The following SPRY2 variants were observed in gnomAD, a reference collection of about 807,000 sequenced individuals.
SPRY2 encodes the protein protein sprouty homolog 2.
Under a neutral mutation model 23.4 loss-of-function variants are expected in SPRY2, and 10 were observed. That is an observed-to-expected ratio of 0.43 (90% CI 0.26 to 0.73). The LOEUF is 0.73. Among genes scored for constraint, SPRY2 ranks in the 30% least tolerant of loss-of-function variants. The probability of loss-of-function intolerance (pLI) is 0.22; values close to 1 mark genes in which losing one functional copy is unlikely to be tolerated. For missense variants in SPRY2, 344 were observed against 396.9 expected, an observed-to-expected ratio of 0.87 and a Z score of 1.13; for synonymous variants, 170 against 156.9, an observed-to-expected ratio of 1.08 and a Z score of -0.62.
rs1445121358 is a variant in SPRY2, at chr13:80,336,601, A to T, written c.*157T>A. 1.2e-6 allele frequency: 1 copy of T among 810,672 alleles called. No individual in the cohort carries two copies. The highest frequency in any genetic ancestry group is 2.2e-5 in the Admixed American group (1 of 45,846). 50.2% of individuals were successfully genotyped at this position (810,672 alleles called of 1,614,324 possible). On this transcript the variant is annotated 3_prime_UTR_variant, in exon 2 of 2. Coordinates refer to ENST00000377104, the MANE Select transcript of SPRY2 (RefSeq NM_005842.4). Reference sequence around the variant, plus strand: ...AGTTCTAACAAGCATATCAGTTAAAACGGCACATGGACAAAAAGCATTTCA... The same window carrying T: ...AGTTCTAACAAGCATATCAGTTAAATCGGCACATGGACAAAAAGCATTTCA...
In SPRY2 at chr13:80,336,831, C is replaced by T. The variant is rs1451158201; in HGVS notation, c.875G>A (p.Arg292His). ...CYDRVNRPGC[R>H]CKNSNTVCCK... ...GCAAACTGTGTTTGAGTTTTTACAG[C>T]GGCAACCAGGCCTGTTAACCCGGTC... The change falls in exon 2 of 2, where the codon CGC (arginine) becomes CAC (histidine). Residue 292 changes from arginine (R) to histidine (H), a missense_variant. Transcript: ENST00000377104. 4 of 1,613,982 alleles carry T rather than the reference C, an allele frequency of 2.5e-6. No individual in the cohort carries two copies. Among genetic ancestry groups the T allele is most frequent in the Non-Finnish European group, 2.5e-6 (3 of 1,180,038 alleles).
Position 80,337,369 on chromosome 13 carries a change from T to C in SPRY2, c.337A>G (p.Thr113Ala), listed in dbSNP as rs61756189. 2.3e-4 allele frequency: 365 copies of C among 1,613,996 alleles called. No homozygotes were observed. Among genetic ancestry groups the C allele is most frequent in the Non-Finnish European group, 2.7e-4 (322 of 1,180,040 alleles). ...CTGCTCCGCGACCCTGAGCTGACCG[T>C]GCTTATGGATCTGGACAGAGGGGCT... ...ARAPLSRSISTVSSGSRSSTR... is the reference protein window; with the variant it reads ...ARAPLSRSISAVSSGSRSSTR... Residue 113 changes from threonine (T) to alanine (A), a missense_variant, in exon 2 of 2, where the codon ACG (threonine) becomes GCG (alanine). Physicochemically the swap from Thr to Ala is moderately conservative, Grantham distance 58. Transcript: ENST00000377104.
chr13:80,340,300 C>A (rs780776418), intron 1 of SPRY2, among the ~76,000 whole-genome samples: 16 of 152,260 alleles, frequency 1.1e-4, no homozygotes, highest in African/African-American at 1.7e-4. Context: ...GCGCCGAATT[C>A]GCGGCCAGTG....
Position 80,337,441 on chromosome 13 carries a change from G to A in SPRY2, c.265C>T (p.Arg89Cys). 4 of 1,614,174 alleles carry A rather than the reference G, an allele frequency of 2.5e-6. No individual in the cohort carries two copies. The highest frequency in any genetic ancestry group is 3.4e-6 in the Non-Finnish European group (4 of 1,180,040). The change falls in exon 2 of 2, where the codon CGC becomes TGC. Residue 89 changes from arginine to cysteine, a missense_variant. By Grantham distance (180) the Arg-to-Cys change is radical. Coordinates refer to ENST00000377104, the MANE Select transcript of SPRY2 (RefSeq NM_005842.4). ...GAGTGCTGGAGCCTAGGAGGCTGGC[G>A]GTGCTCAGGCAGACCGTGGAGTCTC... Reference protein sequence around the residue: ...HERLHGLPEHRQPPRLQHSQV... With the variant: ...HERLHGLPEHCQPPRLQHSQV...
intron 1 of SPRY2, among the ~76,000 whole-genome samples, chr13:80,340,276 C>G (rs1880461520): frequency 6.6e-6 from 1 of 152,256 alleles, no homozygotes; most frequent in Admixed American, 6.5e-5. Flanking sequence ...TTTTCTCTCC[C>G]TCTCCCGCTC....
chr13:80,336,837 C>G lies in SPRY2; in HGVS notation c.869G>C (p.Gly290Ala). 1 of 1,614,126 alleles carries G rather than the reference C, an allele frequency of 6.2e-7. No homozygotes were observed. The highest frequency in any genetic ancestry group is 8.5e-7 in the Non-Finnish European group (1 of 1,180,026). Residue 290 changes from glycine to alanine, a missense_variant, in exon 2 of 2, where the codon GGT (glycine) becomes GCT (alanine). By Grantham distance (60) the Gly-to-Ala change is moderately conservative. Transcript: ENST00000377104. ...QGCYDRVNRP[G>A]CRCKNSNTVC... Reference sequence around the variant, plus strand: ...TGTGTTTGAGTTTTTACAGCGGCAACCAGGCCTGTTAACCCGGTCATAACA... The same window carrying G: ...TGTGTTTGAGTTTTTACAGCGGCAAGCAGGCCTGTTAACCCGGTCATAACA...
chr13:80,340,219 T>C (rs1880459459), intron 1 of SPRY2, among the ~76,000 whole-genome samples: 1 of 151,750 alleles, frequency 6.6e-6, no homozygotes, highest in African/African-American at 2.4e-5. Context: ...GAAGAACAGG[T>C]TAGAAATGCG....
chr13:80,340,588 G>C (rs1323832054), intron 1 of SPRY2, 34 bp downstream of exon 1: 2 of 152,362 alleles, frequency 1.3e-5, no homozygotes, highest in Non-Finnish European at 2.9e-5. Context: ...CGCCGGCCGC[G>C]GCGCCAGGAG....
Position 80,336,508 on chromosome 13 carries a change from G to A in SPRY2, c.*250C>T. Reference sequence around the variant, plus strand: ...AAAAACTTTGCCTAGGAGTGTCTGTGTTGCTTTAGCTTATGCAATACATGG... The same window carrying A: ...AAAAACTTTGCCTAGGAGTGTCTGTATTGCTTTAGCTTATGCAATACATGG... On this transcript the variant is annotated 3_prime_UTR_variant, in exon 2 of 2. Transcript: ENST00000377104. 1 of 562,894 alleles carries A rather than the reference G, an allele frequency of 1.8e-6. No homozygotes were observed. Among genetic ancestry groups the A allele is most frequent in the East Asian group, 3.1e-5 (1 of 32,610 alleles). 34.9% of individuals were successfully genotyped at this position (562,894 alleles called of 1,614,324 possible). A position where few individuals can be genotyped will look rare whatever the true frequency, so the allele number is the denominator to read the frequency against.
At chr13:80,339,780 A>AC (rs1170663182) in intron 1 of SPRY2, 2 of 152,298 alleles carry the variant, frequency 1.3e-5, no homozygotes, top group African/African-American at 4.8e-5. Flanking sequence ...CTTTGTAAAA[A>AC]ACACACAAGA....
At chr13:80,338,312 T>C (rs1880367098) in intron 1 of SPRY2, among the ~76,000 whole-genome samples, 1 of 152,176 alleles carries the variant, frequency 6.6e-6, no homozygotes, top group Non-Finnish European at 1.5e-5. Flanking sequence ...AAAAAGTAAA[T>C]ACCCAAATTC....
chr13:80,338,283 A>G (rs1880365758), intron 1 of SPRY2, among the ~76,000 whole-genome samples: 1 of 152,238 alleles, frequency 6.6e-6, no homozygotes, highest in Non-Finnish European at 1.5e-5. Context: ...CAAACCAGGT[A>G]GAATGAATAT....
At chr13:80,339,330 G>T (rs2137727691) in intron 1 of SPRY2, 1 of 152,258 alleles carries the variant, frequency 6.6e-6, no homozygotes, top group East Asian at 1.9e-4. Flanking sequence ...CTGACCGAAG[G>T]GGGCATTGCC....
At position 80,341,097 on chromosome 13, in the gene SPRY2, T is replaced by A. The variant is rs1188097919; in HGVS notation, c.-527A>T. 6.8e-6 allele frequency: 1 copy of A among 147,740 alleles called. No homozygotes were observed. Among genetic ancestry groups the A allele is most frequent in the Non-Finnish European group, 1.5e-5 (1 of 66,512 alleles). 9.2% of individuals were successfully genotyped at this position (147,740 alleles called of 1,614,324 possible). On this transcript the variant is annotated 5_prime_UTR_variant, in exon 1 of 2. Transcript: ENST00000377104. Reference sequence around the variant, plus strand: ...GCCGGCCCCTCTCCTCCGCTAGCGCTGCGGCGCGCAGCTCTCGGCGGTGCA... The same window carrying A: ...GCCGGCCCCTCTCCTCCGCTAGCGCAGCGGCGCGCAGCTCTCGGCGGTGCA...
At position 80,336,947 on chromosome 13, in the gene SPRY2, C is replaced by CA; in HGVS notation, c.758_759insT (p.Trp253CysfsTer25). ...AGAGGGACATGACACCCATGGCTGA[C>CA]CATCGTGTACAACAGTGAGACTGGC... On this transcript the variant is annotated frameshift_variant, in exon 2 of 2. Transcript: ENST00000377104. LOFTEE classifies it high-confidence loss of function. 1 of 1,614,218 alleles carries CA rather than the reference C, an allele frequency of 6.2e-7. No homozygotes were observed. Among genetic ancestry groups the CA allele is most frequent in the Non-Finnish European group, 8.5e-7 (1 of 1,180,042 alleles).
At position 80,336,402 on chromosome 13, in the gene SPRY2, AT is replaced by A; in HGVS notation, c.*355del. 2.9e-6 allele frequency: 1 copy of A among 341,290 alleles called. No individual in the cohort carries two copies. The highest frequency in any genetic ancestry group is 2.8e-5 in the South Asian group (1 of 36,352). The allele number at this position is 341,290 out of a possible 1,614,324, so 21.1% of individuals were successfully genotyped here. On this transcript the variant is annotated 3_prime_UTR_variant, in exon 2 of 2. Transcript: ENST00000377104. ...TGCAAATATTATTGTATATACAAAA[AT>A]ATAGCACATTCTCTCTGGAGAAAAC...
chr13:80,339,906 C>A (rs1435024004), intron 1 of SPRY2, among the ~76,000 whole-genome samples: 1 of 152,246 alleles, frequency 6.6e-6, no homozygotes, highest in Admixed American at 6.5e-5. Context: ...TTTCTTCCTG[C>A]GCTGGGTCAG....
Position 80,337,586 on chromosome 13 carries a change from G to C in SPRY2, c.120C>G (p.Val40=), listed in dbSNP as rs773743161. 2.5e-6 allele frequency: 4 copies of C among 1,614,036 alleles called. No homozygotes were observed. In the South Asian group the frequency reaches 3.3e-5, roughly 13 times the overall value. The change falls in exon 2 of 2, where the codon GTC becomes GTG. Residue 40 remains valine, a synonymous_variant. Transcript: ENST00000377104. ...TGGCTCTGATCTGATCCAGAGACAA[G>C]ACATGTACCTGCTGGGTGAGGGCGT... The part of the protein sequence containing the change: ...PRDALTQQVH[V]LSLDQIRAIR...
rs1880449373 is a variant in SPRY2 at position 80,340,023 on chromosome 13, C to G, written c.-52+599G>C. 2.0e-5 allele frequency among the ~76,000 whole-genome samples: 3 copies of G among 152,178 alleles called. No homozygotes were observed. The South Asian group carries it at 6.3e-4, about 32-fold the overall frequency. The stretch of plus-strand genomic sequence containing the variant: ...AGAGACCCGGCGCCAGGCAGGGCGA[C>G]GCTCCCACCCGCTCCGGGCTAGACT... On this transcript the variant is annotated intron_variant, in intron 1 of 1. Transcript: ENST00000377104.
Sources: allele counts gnomAD v4.1 joint callset (sites outside exome capture counted in the v4.1 genomes callset), GRCh38; gene constraint gnomAD v4.1.1; transcripts MANE v1.5; gene names NCBI Gene and HGNC (gene_info 2026-07-23, HGNC 2026-07-21).